The following WWC1 variants were observed in gnomAD, a reference collection of about 807,000 sequenced individuals.
WWC1 encodes the protein WW and C2 domain containing 1, also known as protein KIBRA.
In WWC1, 55 loss-of-function variants were observed where a neutral mutation model predicts 138.4. The observed-to-expected ratio is 0.40, with a 90% CI of 0.32 to 0.50. WWC1 has a LOEUF of 0.50. Ranked by LOEUF, WWC1 falls within the 20% of genes least tolerant of loss-of-function variation. WWC1 has a pLI of 0.72. For synonymous variants in WWC1, 524 were observed against 564.9 expected, an observed-to-expected ratio of 0.93 and a Z score of 1.03; for missense variants, 1,226 against 1,420.4, an observed-to-expected ratio of 0.86 and a Z score of 2.20.
chr5:168,380,254 A>T (rs72828892), intron 2 of WWC1, among the ~76,000 whole-genome samples: 16,735 of 152,180 alleles, frequency 0.11, 1,350 homozygotes, highest in African/African-American at 0.22. Context: ...GACCAGCCAT[A>T]GCAAAACATA....
chr5:168,373,378 A>G (rs566193923), intron 2 of WWC1, among the ~76,000 whole-genome samples: 2 of 152,206 alleles, frequency 1.3e-5, no homozygotes, highest in African/African-American at 2.4e-5. Flanking sequence ...CCATAGCAGG[A>G]AGAATTCTAT....
rs769599638 is a variant in WWC1, at chr5:168,408,651, A to T, written c.865A>T (p.Ser289Cys). 6.2e-7 allele frequency: 1 copy of T among 1,614,064 alleles called. No homozygotes were observed. The highest frequency in any genetic ancestry group is 1.1e-5 in the South Asian group (1 of 91,066). Residue 289 changes from serine (S) to cysteine (C), a missense_variant and splice_region_variant, in exon 7 of 23, where the codon AGC (serine) becomes TGC (cysteine). Coordinates refer to ENST00000265293, the MANE Select transcript of WWC1 (RefSeq NM_015238.3). ...GAGCTCCCAGACAGACATCTCGGGA[A>T]GCGTGAGTAGACGGGGCAGGTTGCT... is the stretch of plus-strand genomic sequence containing the variant. ...DVSSQTDISG[S>C]FGINSNNQLA...
chr5:168,347,885 G>A (rs1561640947), intron 1 of WWC1, among the ~76,000 whole-genome samples: 1 of 152,216 alleles, frequency 6.6e-6, no homozygotes. Flanking sequence ...TATCTCCAGA[G>A]AAAGAATGTA....
At position 168,414,425 on chromosome 5, in the gene WWC1, G is replaced by A. The variant is rs772352385; in HGVS notation, c.1019G>A (p.Arg340Gln). ...WPGVLDSERD[R>Q]LILINEKEEL... ...GGGGTGCTGGACTCAGAGAGGGACC[G>A]GCTGATCCTTATCAACGAGAAGGAG... The change falls in exon 9 of 23, where the codon CGG becomes CAG. Residue 340 changes from arginine to glutamine, a missense_variant. Arg to Gln is a conservative substitution (Grantham distance 43, BLOSUM62 1). Around this residue, in one of 3 missense-constraint regions of WWC1, gnomAD observed 1,016 missense variants for 1,153.9 expected, o/e 0.88. Transcript: ENST00000265293. The A allele has an allele frequency of 1.0e-5, 16 of 1,597,790 alleles. No homozygotes were observed. The highest frequency in any genetic ancestry group is 4.5e-5 in the East Asian group (2 of 44,350).
chr5:168,378,680 G>T (rs1476105560), intron 2 of WWC1, among the ~76,000 whole-genome samples: 1 of 152,162 alleles, frequency 6.6e-6, no homozygotes, highest in African/African-American at 2.4e-5. Context: ...GATTATATCA[G>T]CTTGTATTGC....
chr5:168,454,777 G>A (rs979453127), intron 18 of WWC1, among the ~76,000 whole-genome samples: 2 of 152,236 alleles, frequency 1.3e-5, no homozygotes, highest in African/African-American at 2.4e-5. Flanking sequence ...GCCAGTGGGC[G>A]TGCCCTTTCT....
intron 1 of WWC1, among the ~76,000 whole-genome samples, chr5:168,337,087 A>G (rs945393038): frequency 3.3e-5 from 5 of 152,124 alleles, no homozygotes; most frequent in African/African-American, 1.2e-4. Flanking sequence ...CATCCTAAGA[A>G]AAAGGAACCT....
At chr5:168,397,652 A>G in intron 3 of WWC1, 72 bp from the exon 4 acceptor site, 1 of 1,508,352 alleles carries the variant, frequency 6.6e-7, no homozygotes, top group East Asian at 2.3e-5. Context: ...GTTTATTTAG[A>G]TGGCCAATAA....
intron 1 of WWC1, among the ~76,000 whole-genome samples, chr5:168,303,245 G>C (rs1373349858): frequency 2.0e-5 from 3 of 152,230 alleles, no homozygotes; most frequent in Middle Eastern, 3.4e-3. Flanking sequence ...CTTTTGTTTT[G>C]CTGACCAAAG....
At chr5:168,310,302 AC>A (rs1770948031) in intron 1 of WWC1, among the ~76,000 whole-genome samples, 1 of 151,790 alleles carries the variant, frequency 6.6e-6, no homozygotes, top group African/African-American at 2.4e-5. Context: ...ACCCAGATTT[AC>A]CAGTTTTTTT....
At chr5:168,321,055 G>C (rs960675536) in intron 1 of WWC1, among the ~76,000 whole-genome samples, 1 of 152,134 alleles carries the variant, frequency 6.6e-6, no homozygotes, top group African/African-American at 2.4e-5. Flanking sequence ...GGTTACCGTA[G>C]GCCGCTGCAC....
At chr5:168,392,064 C>T (rs1188734259) in intron 3 of WWC1, among the ~76,000 whole-genome samples, 3 of 151,958 alleles carry the variant, frequency 2.0e-5, no homozygotes, top group Non-Finnish European at 2.9e-5. Flanking sequence ...AGATCTTTTC[C>T]TTAAATCGAT....
At chr5:168,419,043 C>T (rs972771566) in intron 9 of WWC1, among the ~76,000 whole-genome samples, 3 of 152,134 alleles carry the variant, frequency 2.0e-5, no homozygotes, top group Admixed American at 6.5e-5. Context: ...GTAACAAGCC[C>T]GACCCACCCC....
At chr5:168,399,448 G>T (rs1197056279) in intron 4 of WWC1, 40 bp from the exon 5 acceptor site, 3 of 1,611,204 alleles carry the variant, frequency 1.9e-6, no homozygotes, top group Non-Finnish European at 2.5e-6. Flanking sequence ...CTTGGTGTCA[G>T]CCTCTGACCC....
intron 17 of WWC1, among the ~76,000 whole-genome samples, chr5:168,448,057 T>C (rs908962750): frequency 3.9e-5 from 6 of 152,230 alleles, no homozygotes; most frequent in Non-Finnish European, 7.3e-5. Flanking sequence ...AACCGCCTTC[T>C]GTCCCTTCTC....
chr5:168,443,362 T>A (rs1355159852), intron 16 of WWC1, among the ~76,000 whole-genome samples: 7 of 152,116 alleles, frequency 4.6e-5, no homozygotes, highest in Non-Finnish European at 1.0e-4. Flanking sequence ...TTTCTGTACT[T>A]CCTTTTGCAT....
chr5:168,311,408 A>G (rs1324285011), intron 1 of WWC1, among the ~76,000 whole-genome samples: 1 of 152,176 alleles, frequency 6.6e-6, no homozygotes, highest in Non-Finnish European at 1.5e-5. Context: ...GAACCGAGGC[A>G]GCAGCATCTC....
At chr5:168,331,920 T>G (rs1300103245) in intron 1 of WWC1, among the ~76,000 whole-genome samples, 1 of 151,684 alleles carries the variant, frequency 6.6e-6, no homozygotes, top group Admixed American at 6.6e-5. Flanking sequence ...CCAAGGCGGG[T>G]GGATCACTTG....
chr5:168,410,092 T>C, intron 8 of WWC1, 97 bp downstream of exon 8: 4 of 1,147,378 alleles, frequency 3.5e-6, no homozygotes, highest in Non-Finnish European at 5.2e-6. Flanking sequence ...CACTTCGTCT[T>C]CTTTAATCCT....
Sources: allele counts gnomAD v4.1 joint callset (sites outside exome capture counted in the v4.1 genomes callset), GRCh38; gene constraint gnomAD v4.1.1; regional missense constraint gnomAD v4.1.1; transcripts MANE v1.5; gene names NCBI Gene and HGNC (gene_info 2026-07-23, HGNC 2026-07-21).